The following DOCK10 variants were observed in gnomAD, a reference collection of about 807,000 sequenced individuals.
The protein encoded by DOCK10 is dedicator of cytokinesis 10.
Under a neutral mutation model 280.1 loss-of-function variants are expected in DOCK10, and 145 were observed. That is an observed-to-expected ratio of 0.52 (90% CI 0.45 to 0.59). The LOEUF (loss-of-function observed/expected upper bound fraction) is 0.59. Among genes scored for constraint, DOCK10 ranks in the 20% least tolerant of loss-of-function variants. DOCK10 has a pLI of 0.00. For synonymous variants in DOCK10, 915 were observed against 942.2 expected, an observed-to-expected ratio of 0.97 and a Z score of 0.53; for missense variants, 2,368 against 2,651.7, an observed-to-expected ratio of 0.89 and a Z score of 2.35.
chr2:225,009,319 G>T (rs1689367253), intron 1 of DOCK10, among the ~76,000 whole-genome samples: 1 of 152,252 alleles, frequency 6.6e-6, no homozygotes, highest in East Asian at 1.9e-4. Flanking sequence ...AAAAATAGGT[G>T]ATATTAAGTT....
intron 1 of DOCK10, among the ~76,000 whole-genome samples, chr2:224,958,560 G>C (rs113714617): frequency 6.6e-6 from 1 of 151,964 alleles, no homozygotes; most frequent in African/African-American, 2.4e-5. Flanking sequence ...AATCCCCTCT[G>C]TGCACAACTA....
At chr2:225,016,628 G>GGT (rs1689606873) in intron 1 of DOCK10, among the ~76,000 whole-genome samples, 2 of 39,912 alleles carry the variant, frequency 5.0e-5, no homozygotes, top group Admixed American at 2.3e-4. Flanking sequence ...TGTGCACATA[G>GGT]ATACATATAT....
chr2:224,937,740 G>A (rs929436871), intron 1 of DOCK10, among the ~76,000 whole-genome samples: 1 of 152,056 alleles, frequency 6.6e-6, no homozygotes, highest in Non-Finnish European at 1.5e-5. Context: ...TTGAGAAATG[G>A]CCTAGAAAAT....
chr2:224,823,135 G>C (rs573997014), intron 28 of DOCK10, among the ~76,000 whole-genome samples: 1 of 151,194 alleles, frequency 6.6e-6, no homozygotes, highest in South Asian at 2.1e-4. Flanking sequence ...CTACAGGCAC[G>C]CACCACCACG....
In DOCK10 at chr2:224,770,558, T is replaced by C. The variant is rs201549682; in HGVS notation, c.6292A>G (p.Lys2098Glu). 188 of 1,613,650 alleles carry C rather than the reference T, an allele frequency of 1.2e-4. No homozygotes were observed. The highest frequency in any genetic ancestry group is 1.3e-4 in the Non-Finnish European group (157 of 1,179,628). The stretch of plus-strand genomic sequence containing the variant: ...CGAGAAGCTTACCTGAAGATCTCCT[T>C]CAAAAGCTTTACTTGGTTGTCAGGG... ...KYPDNQVKLLKEIFRQFADAC... is the reference protein window; with the variant it reads ...KYPDNQVKLLEEIFRQFADAC... The change falls in exon 54 of 56, where the codon AAG (lysine) becomes GAG (glutamate). Residue 2098 changes from lysine (K) to glutamate (E), a missense_variant. Around this residue, in one of 2 missense-constraint regions of DOCK10, gnomAD observed 1,159 missense variants for 1,400.8 expected, o/e 0.83. Transcript: ENST00000258390. This position sits in a 1 kb window ranked among gnomAD's most constrained non-coding sequence, Gnocchi z 4.5.
At chr2:224,772,333 A>G (rs1690503703) in intron 53 of DOCK10, among the ~76,000 whole-genome samples, 1 of 152,222 alleles carries the variant, frequency 6.6e-6, no homozygotes, top group Non-Finnish European at 1.5e-5. Context: ...ATTTATTAAT[A>G]TAATAAATAA....
intron 45 of DOCK10, among the ~76,000 whole-genome samples, chr2:224,794,469 ACTGATTCCCC>A (rs1476800132): frequency 1.3e-5 from 2 of 152,194 alleles, no homozygotes; most frequent in African/African-American, 4.8e-5. Flanking sequence ...GTAAATGAGG[ACTGATTCCCC>A]CTGCCTGAGT....
chr2:224,984,404 AG>A (rs1705903887), intron 1 of DOCK10, among the ~76,000 whole-genome samples: 1 of 152,212 alleles, frequency 6.6e-6, no homozygotes, highest in Admixed American at 6.5e-5. Context: ...GTCTTTAGGG[AG>A]ACAAATGAGA....
chr2:224,892,702 C>T (rs1353454152), intron 4 of DOCK10, among the ~76,000 whole-genome samples: 1 of 152,128 alleles, frequency 6.6e-6, no homozygotes, highest in Non-Finnish European at 1.5e-5. Flanking sequence ...GGAAACAGTG[C>T]AGGAGGGAGG....
chr2:224,967,156 T>A (rs1038366310), intron 1 of DOCK10, among the ~76,000 whole-genome samples: 4 of 150,714 alleles, frequency 2.7e-5, no homozygotes, highest in Middle Eastern at 3.5e-3. Context: ...CTCGGCTCAC[T>A]GCAAGCTCCA....
intron 11 of DOCK10, among the ~76,000 whole-genome samples, chr2:224,870,205 A>G (rs1255603361): frequency 6.6e-6 from 1 of 152,128 alleles, no homozygotes; most frequent in East Asian, 1.9e-4. Context: ...TGCTGCCGCC[A>G]TGTGAAGAAG....
intron 26 of DOCK10, 53 bp downstream of exon 26, chr2:224,834,097 A>G: frequency 9.6e-7 from 1 of 1,045,728 alleles, no homozygotes; most frequent in Non-Finnish European, 1.5e-6. Context: ...TCCAGGAGTA[A>G]GCGTGACCCA....
chr2:224,860,187 G>A (rs1697407383), intron 14 of DOCK10, among the ~76,000 whole-genome samples: 1 of 152,134 alleles, frequency 6.6e-6, no homozygotes, highest in African/African-American at 2.4e-5. Flanking sequence ...GACTTCATCT[G>A]TCTTTCTTCC....
chr2:224,785,286 A>T (rs1691653082), intron 50 of DOCK10, among the ~76,000 whole-genome samples: 1 of 105,568 alleles, frequency 9.5e-6, no homozygotes, highest in African/African-American at 5.9e-5. Context: ...AAAATGTCTA[A>T]ATTTGCTTTT....
intron 1 of DOCK10, among the ~76,000 whole-genome samples, chr2:224,978,540 A>C (rs571864607): frequency 6.3e-4 from 96 of 152,354 alleles, no homozygotes; most frequent in Non-Finnish European, 1.2e-3. Context: ...CCTGTCTACC[A>C]GTGAGATAAG....
chr2:225,011,485 C>T (rs1167146223), intron 1 of DOCK10, among the ~76,000 whole-genome samples: 2 of 152,094 alleles, frequency 1.3e-5, no homozygotes, highest in African/African-American at 4.8e-5. Context: ...TGCCACCAGC[C>T]AATGTGAAGG....
chr2:224,896,177 G>A (rs1699976635), intron 4 of DOCK10, 118 bp downstream of exon 4: 1 of 552,982 alleles, frequency 1.8e-6, no homozygotes, highest in African/African-American at 2.0e-5. Flanking sequence ...ATACATTTTG[G>A]AAAATGTGCC....
chr2:225,001,573 C>T (rs1706431729), intron 1 of DOCK10, among the ~76,000 whole-genome samples: 1 of 152,190 alleles, frequency 6.6e-6, no homozygotes, highest in Non-Finnish European at 1.5e-5. Flanking sequence ...CAGGTATGAG[C>T]CACTGTGCCT....
At chr2:224,993,506 T>C (rs1470442856) in intron 1 of DOCK10, among the ~76,000 whole-genome samples, 1 of 152,162 alleles carries the variant, frequency 6.6e-6, no homozygotes, top group Non-Finnish European at 1.5e-5. Context: ...GTGCCTTCCA[T>C]TGCAGGGTGG....
Sources: allele counts gnomAD v4.1 joint callset (sites outside exome capture counted in the v4.1 genomes callset), GRCh38; gene constraint gnomAD v4.1.1; regional missense constraint gnomAD v4.1.1; non-coding constraint Gnocchi (gnomAD v3.1); transcripts MANE v1.5; gene names NCBI Gene and HGNC (gene_info 2026-07-23, HGNC 2026-07-21).